F13B: variants seen among roughly 807,000 people sequenced by gnomAD.
F13B encodes the protein coagulation factor XIII B chain, also known as TGase.
F13B carries 58 observed loss-of-function variants against 79.8 expected under a neutral mutation model. The observed-to-expected ratio is 0.73, with a 90% CI of 0.59 to 0.90. F13B has a LOEUF of 0.90. F13B is among the 40% of genes least tolerant of loss of function. The pLI, the probability that F13B is intolerant of heterozygous loss-of-function variation, is 0.00. For synonymous variants in F13B, 283 were observed against 260.3 expected, an observed-to-expected ratio of 1.09 and a Z score of -0.84; for missense variants, 773 against 777.0, an observed-to-expected ratio of 0.99 and a Z score of 0.06.
chr1:197,038,960 T>TACACTAGAGAC lies in F13B; in HGVS notation c.*417_*418insGTCTCTAGTGT. On this transcript the variant is annotated 3_prime_UTR_variant, in exon 12 of 12. Transcript: ENST00000367412. ...AATACAGCATATAGTTTCTTATCTC[T>TACACTAGAGAC]AGTGTGTTTGGCCCTTTAATAGTGA... Among the ~76,000 whole-genome samples the TACACTAGAGAC allele has an allele frequency of 6.6e-6, 1 of 152,148 alleles. No homozygotes were observed. The highest frequency in any genetic ancestry group is 2.1e-4 in the South Asian group (1 of 4,830).
At chr1:197,055,076 C>G (rs1456238853) in intron 8 of F13B, among the ~76,000 whole-genome samples, 2 of 151,764 alleles carry the variant, frequency 1.3e-5, no homozygotes, top group Non-Finnish European at 2.9e-5. Flanking sequence ...TATGACAAAC[C>G]ATGTTTACAA....
At chr1:197,058,066 A>C (rs1008714470) in intron 5 of F13B, among the ~76,000 whole-genome samples, 1 of 152,168 alleles carries the variant, frequency 6.6e-6, no homozygotes, top group Non-Finnish European at 1.5e-5. Flanking sequence ...CCCAATGGGA[A>C]ATAATTTCTT....
chr1:197,044,404 A>T (rs1264015258), intron 10 of F13B, among the ~76,000 whole-genome samples: 1 of 152,182 alleles, frequency 6.6e-6, no homozygotes, highest in Non-Finnish European at 1.5e-5. Flanking sequence ...ATCAAAAGAG[A>T]CAAAGAAGGC....
At chr1:197,066,479 A>C (rs1053442848) in intron 1 of F13B, among the ~76,000 whole-genome samples, 1 of 152,094 alleles carries the variant, frequency 6.6e-6, no homozygotes, top group Non-Finnish European at 1.5e-5. Flanking sequence ...CTCGCACACT[A>C]ATCTTACACA....
chr1:197,061,660 T>G (rs1195784999), intron 3 of F13B, 124 bp downstream of exon 3: 1 of 824,896 alleles, frequency 1.2e-6, no homozygotes, highest in African/African-American at 1.7e-5. Context: ...AATATCAACT[T>G]CCTGCATTGT....
intron 10 of F13B, among the ~76,000 whole-genome samples, chr1:197,042,700 ATCCCAGCTACTCGGG>A (rs1655083923): frequency 1.0e-5 from 1 of 97,942 alleles, no homozygotes; most frequent in Non-Finnish European, 2.3e-5. Context: ...TGCACCTGTA[ATCCCAGCTACTCGGG>A]AAAGCTGAGG....
At chr1:197,040,377 G>C (rs1189100629) in intron 11 of F13B, 145 bp downstream of exon 11, 2 of 624,214 alleles carry the variant, frequency 3.2e-6, no homozygotes, top group Non-Finnish European at 5.6e-6. Context: ...TTGTTTGTTT[G>C]GTGTAAAAAA....
intron 2 of F13B, among the ~76,000 whole-genome samples, 174 bp from the exon 3 acceptor site, chr1:197,062,143 T>C (rs560312138): frequency 6.6e-6 from 1 of 152,244 alleles, no homozygotes; most frequent in South Asian, 2.1e-4. Context: ...TATTTACTAA[T>C]TTTAGTTCTT....
chr1:197,040,453 C>T, intron 11 of F13B, 69 bp downstream of exon 11: 3 of 1,099,766 alleles, frequency 2.7e-6, no homozygotes, highest in Non-Finnish European at 4.2e-6. Context: ...TAGAACATAA[C>T]ATTTCTGAAA....
chr1:197,048,766 C>G (rs1295694488), intron 10 of F13B, among the ~76,000 whole-genome samples: 2 of 152,004 alleles, frequency 1.3e-5, no homozygotes, highest in African/African-American at 2.4e-5. Context: ...ACATCAAAAA[C>G]AAAACTCAAT....
At position 197,046,683 on chromosome 1, in the gene F13B, A is replaced by T. The variant is rs17549783; in HGVS notation, c.1738+4014T>A. ...CTACTTTAAAATTCATATGGAACCA[A>T]AAAAGAGCCCGCATTGCCAAGACAA... On this transcript the variant is annotated intron_variant, in intron 10 of 11. Coordinates refer to ENST00000367412, the MANE Select transcript of F13B (RefSeq NM_001994.3). Among the ~76,000 whole-genome samples, 913 of 152,292 alleles carry T rather than the reference A, an allele frequency of 6.0e-3. 15 individuals carry two copies. Among genetic ancestry groups the T allele is most frequent in the African/African-American group, 0.021 (876 of 41,552 alleles).
At chr1:197,040,950 G>C (rs1330051779) in intron 10 of F13B, among the ~76,000 whole-genome samples, 2 of 151,792 alleles carry the variant, frequency 1.3e-5, no homozygotes, top group East Asian at 3.9e-4. Context: ...TGTGGTCCTG[G>C]ATTTGGAGAA....
chr1:197,040,786 G>T, intron 10 of F13B, 51 bp from the exon 11 acceptor site: 1 of 1,438,324 alleles, frequency 7.0e-7, no homozygotes, highest in Non-Finnish European at 9.6e-7. Context: ...AAACTATCTT[G>T]TTACATCTTG....
At position 197,062,453 on chromosome 1, in the gene F13B, A is replaced by G. The variant is rs567324139; in HGVS notation, c.265+404T>C. ...GAGAGAAGTTGGCACATGAAGAGAG[A>G]TGAGTCTTACAAATGATAAAGCATT... On this transcript the variant is annotated intron_variant, in intron 2 of 11. Coordinates refer to ENST00000367412, the MANE Select transcript of F13B (RefSeq NM_001994.3). Among the ~76,000 whole-genome samples, 70 of 152,294 alleles carry G rather than the reference A, an allele frequency of 4.6e-4. 2 individuals are homozygous for G. In the South Asian group the frequency reaches 0.014, roughly 31 times the overall value.
chr1:197,057,320 T>C lies in F13B; in HGVS notation c.951A>G (p.Glu317=), dbSNP rs759358030. ...EIHGSAEIRC[E]DGKWTEPPKC... is the part of the protein sequence containing the mutation. ...TTGGAGGTTCTGTCCATTTTCCATC[T>C]TCACAACGTATTTCTGCTGACCCAT... Residue 317 remains glutamate (E), a synonymous_variant, in exon 6 of 12, where the codon GAA becomes GAG. Transcript: ENST00000367412. 1.4e-5 allele frequency: 22 copies of C among 1,613,866 alleles called. No individual in the cohort carries two copies. Among genetic ancestry groups the C allele is most frequent in the Non-Finnish European group, 1.6e-5 (19 of 1,179,932 alleles).
chr1:197,039,943 A>ATTGTGT (rs1654976891), intron 11 of F13B, among the ~76,000 whole-genome samples: 2 of 152,096 alleles, frequency 1.3e-5, no homozygotes, highest in Admixed American at 6.5e-5. Context: ...AGTGTCTTCA[A>ATTGTGT]AAAGGGTTAA....
intron 10 of F13B, among the ~76,000 whole-genome samples, chr1:197,048,053 T>C (rs1269015664): frequency 1.3e-5 from 2 of 151,896 alleles, no homozygotes; most frequent in Admixed American, 1.3e-4. Flanking sequence ...AGTTGATGGG[T>C]GCAGCAAACC....
intron 8 of F13B, among the ~76,000 whole-genome samples, chr1:197,053,912 G>A (rs2125065457): frequency 6.6e-6 from 1 of 152,142 alleles, no homozygotes. Flanking sequence ...TGGCTTGTTT[G>A]TGGAAGAGTA....
chr1:197,040,345 T>C, intron 11 of F13B, 177 bp downstream of exon 11: 5 of 580,392 alleles, frequency 8.6e-6, no homozygotes, highest in Non-Finnish European at 1.5e-5. Flanking sequence ...AGAAGGCCTG[T>C]TGAATTGATT....
Sources: gnomAD v4.1 joint callset for allele counts (sites outside exome capture counted in the v4.1 genomes callset) on GRCh38, gnomAD v4.1.1 for gene constraint, MANE v1.5 for transcripts, NCBI Gene and HGNC (gene_info 2026-07-23, HGNC 2026-07-21) for gene names.